LSM11: variants seen among roughly 807,000 people sequenced by gnomAD.
LSM11 encodes the protein LSM11, U7 small nuclear RNA associated, also known as U7 snRNA-associated Sm-like protein LSm11.
LSM11 carries 14 observed loss-of-function variants against 28.1 expected under a neutral mutation model. The ratio of observed to expected loss-of-function variants is 0.50; its 90% CI spans 0.33 to 0.78. The LOEUF (loss-of-function observed/expected upper bound fraction) is 0.78, where lower values mean the gene tolerates loss of function less well. LSM11 is among the 30% of genes least tolerant of loss of function. LSM11 has a pLI of 0.02. For missense variants in LSM11, 495 were observed against 510.6 expected, an observed-to-expected ratio of 0.97 and a Z score of 0.30; for synonymous variants, 207 against 214.2, an observed-to-expected ratio of 0.97 and a Z score of 0.30.
In LSM11 at chr5:157,743,771, G is replaced by C. The variant is rs1761099196; in HGVS notation, c.21G>C (p.Gly7=). ...CAAACATGGAGGAGCGGGAGCGGGG[G>C]GCGAGGTCGGCTGGCGCCGGGAGCC... MEERER[G]ARSAGAGSPA... is the part of the protein sequence containing the mutation. The change falls in exon 1 of 4, where the codon GGG becomes GGC. Residue 7 remains glycine (G), a synonymous_variant. Coordinates refer to ENST00000286307, the MANE Select transcript of LSM11 (RefSeq NM_173491.4). The C allele has an allele frequency of 5.0e-6, 7 of 1,410,082 alleles. No homozygotes were observed. In the East Asian group the frequency reaches 1.5e-4, roughly 30 times the overall value. The allele number at this position is 1,410,082 out of a possible 1,614,324, so 87.3% of individuals were successfully genotyped here.
chr5:157,754,712 A>AAT, intron 3 of LSM11, 142 bp from the exon 4 acceptor site: 3 of 631,604 alleles, frequency 4.7e-6, no homozygotes, highest in Non-Finnish European at 7.6e-6. Context: ...AAAAAAAAAA[A>AAT]AGATTTATTA....
intron 1 of LSM11, among the ~76,000 whole-genome samples, chr5:157,746,339 GC>G (rs1251448847): frequency 6.6e-6 from 1 of 152,224 alleles, no homozygotes; most frequent in African/African-American, 2.4e-5. Context: ...GCAAGAAGAA[GC>G]TTTGTTAGGT....
chr5:157,752,336 G>T (rs943101881), intron 2 of LSM11, among the ~76,000 whole-genome samples: 7 of 151,538 alleles, frequency 4.6e-5, no homozygotes, highest in Non-Finnish European at 1.5e-5. Flanking sequence ...CACCATGTTG[G>T]CCAGGCTGGT....
rs1053259359 is a variant in LSM11, at chr5:157,760,665, C to A, written c.*5401C>A. The stretch of plus-strand genomic sequence containing the variant: ...GCAATGTTCAGCTTTAGATATGTGT[C>A]GTAATGGGAGTCTGAAAACTGTAAT... On this transcript the variant is annotated 3_prime_UTR_variant, in exon 4 of 4. Transcript: ENST00000286307. 2 of 152,054 alleles carry A rather than the reference C, an allele frequency of 1.3e-5. No homozygotes were observed. The highest frequency in any genetic ancestry group is 2.9e-5 in the Non-Finnish European group (2 of 68,038). The allele number at this position is 152,054 out of a possible 1,614,324, so 9.4% of individuals were successfully genotyped here. A position where few individuals can be genotyped will look rare whatever the true frequency, so the allele number is the denominator to read the frequency against.
At chr5:157,746,007 A>T (rs1038544933) in intron 1 of LSM11, among the ~76,000 whole-genome samples, 1 of 152,226 alleles carries the variant, frequency 6.6e-6, no homozygotes, top group Non-Finnish European at 1.5e-5. Flanking sequence ...TTTGTGCACC[A>T]AACCCCAGTG....
chr5:157,744,781 C>A lies in LSM11; in HGVS notation c.448+583C>A, dbSNP rs547236874. Among the ~76,000 whole-genome samples the A allele has an allele frequency of 9.9e-5, 15 of 152,260 alleles. No individual in the cohort carries two copies. The South Asian group carries it at 1.7e-3, about 17-fold the overall frequency. On this transcript the variant is annotated intron_variant, in intron 1 of 3. Transcript: ENST00000286307. Reference sequence around the variant, plus strand: ...GAGATTTGTTCAGATAGCACAGGCGCATAATCCCATAACCCCTGTACATTG... The same window carrying A: ...GAGATTTGTTCAGATAGCACAGGCGAATAATCCCATAACCCCTGTACATTG...
At chr5:157,747,424 T>C (rs1761164779) in intron 1 of LSM11, 4 of 192,404 alleles carry the variant, frequency 2.1e-5, no homozygotes, top group Admixed American at 1.4e-4. Context: ...ACATGCAGGG[T>C]TTGGCTCCTA....
Position 157,749,588 on chromosome 5 carries a change from G to GCACA in LSM11, c.449-1786_449-1783dup, listed in dbSNP as rs200970813. 4.4e-4 allele frequency among the ~76,000 whole-genome samples: 63 copies of GCACA among 142,388 alleles called. No homozygotes were observed. The South Asian group carries it at 0.011, about 25-fold the overall frequency. 93.4% of individuals were successfully genotyped at this position (142,388 alleles called of 152,430 possible). A position where few individuals can be genotyped will look rare whatever the true frequency, so the allele number is the denominator to read the frequency against. ...CACATATACACGCGCGCGCACGCGC[G>GCACA]CACACACACACACACACACCCACAC... On this transcript the variant is annotated intron_variant, in intron 1 of 3. Transcript: ENST00000286307.
intron 1 of LSM11, among the ~76,000 whole-genome samples, chr5:157,744,730 T>C (rs1761120426): frequency 6.6e-6 from 1 of 152,012 alleles, no homozygotes; most frequent in African/African-American, 2.4e-5. Flanking sequence ...TCAGTGGGAT[T>C]TGAGGATGAT....
At chr5:157,749,222 A>C (rs1201965060) in intron 1 of LSM11, among the ~76,000 whole-genome samples, 1 of 152,148 alleles carries the variant, frequency 6.6e-6, no homozygotes, top group Non-Finnish European at 1.5e-5. Context: ...TGCCCTTTCT[A>C]TTTTTGGAGG....
chr5:157,745,303 T>A (rs1054368274), intron 1 of LSM11, among the ~76,000 whole-genome samples: 1 of 152,214 alleles, frequency 6.6e-6, no homozygotes, highest in African/African-American at 2.4e-5. Context: ...CTGTTTTGCT[T>A]CATTCCTAGA....
In LSM11 at chr5:157,755,231, C is replaced by A; in HGVS notation, c.1050C>A (p.Gly350=). The part of the protein sequence containing the change: ...TRHINQIFIR[G]ENVLLVHLAQ ...ACATAAATCAGATTTTCATTCGAGG[C>A]GAGAATGTCCTGCTGGTTCATCTTG... is the stretch of plus-strand genomic sequence containing the variant. Residue 350 remains glycine (G), a synonymous_variant, in exon 4 of 4, where the codon GGC becomes GGA. Transcript: ENST00000286307. 6.2e-7 allele frequency: 1 copy of A among 1,614,090 alleles called. No homozygotes were observed. The highest frequency in any genetic ancestry group is 1.1e-5 in the South Asian group (1 of 91,060).
chr5:157,753,977 G>T, intron 2 of LSM11, 27 bp from the exon 3 acceptor site: 4 of 1,430,332 alleles, frequency 2.8e-6, no homozygotes, highest in East Asian at 5.1e-5. Flanking sequence ...TCTGTCTAAT[G>T]TTTTTCCTTT....
intron 1 of LSM11, among the ~76,000 whole-genome samples, chr5:157,748,028 T>TGTGTGTGTGTGTGTG (rs1761172682): frequency 1.3e-5 from 2 of 148,992 alleles, no homozygotes; most frequent in African/African-American, 5.0e-5. Context: ...TGTGTGTGTG[T>TGTGTGTGTGTGTGTG]TTAGGCCAGT....
rs1006814818 is a variant in LSM11, at chr5:157,759,395, T to C, written c.*4131T>C. 2 of 152,198 alleles carry C rather than the reference T, an allele frequency of 1.3e-5. No homozygotes were observed. The highest frequency in any genetic ancestry group is 4.8e-5 in the African/African-American group (2 of 41,460). The allele number at this position is 152,198 out of a possible 1,614,324, so 9.4% of individuals were successfully genotyped here. ...TATATTTCTGCTTGCACCATTTCCA[T>C]AGCAGCTGACAAAGGCAAAATCATG... On this transcript the variant is annotated 3_prime_UTR_variant, in exon 4 of 4. Coordinates refer to ENST00000286307, the MANE Select transcript of LSM11 (RefSeq NM_173491.4).
At chr5:157,749,586 G>GCA (rs1291962623) in intron 1 of LSM11, among the ~76,000 whole-genome samples, 537 of 149,696 alleles carry the variant, frequency 3.6e-3, no homozygotes, top group African/African-American at 9.4e-3. Context: ...GCGCGCACGC[G>GCA]CGCACACACA....
intron 1 of LSM11, among the ~76,000 whole-genome samples, chr5:157,748,932 C>T (rs1761183806): frequency 6.6e-6 from 1 of 152,082 alleles, no homozygotes; most frequent in African/African-American, 2.4e-5. Flanking sequence ...TGACTCATAT[C>T]CATTTGGAGC....
Position 157,759,518 on chromosome 5 carries a change from G to A in LSM11, c.*4254G>A, listed in dbSNP as rs1761379558. ...ATTCAATGACAGCTAGCTGTCACTG[G>A]TGCTACCCCAAAGCTTTCCAATCTT... is the stretch of plus-strand genomic sequence containing the variant. On this transcript the variant is annotated 3_prime_UTR_variant, in exon 4 of 4. Transcript: ENST00000286307. 6.6e-6 allele frequency: 1 copy of A among 152,122 alleles called. No individual in the cohort carries two copies. The highest frequency in any genetic ancestry group is 2.1e-4 in the South Asian group (1 of 4,826). The allele number at this position is 152,122 out of a possible 1,614,324, so 9.4% of individuals were successfully genotyped here.
In LSM11 at chr5:157,756,534, T is replaced by C. The variant is rs1405672023; in HGVS notation, c.*1270T>C. 6.6e-6 allele frequency: 1 copy of C among 152,560 alleles called. No homozygotes were observed. Among genetic ancestry groups the C allele is most frequent in the African/African-American group, 2.4e-5 (1 of 41,444 alleles). The allele number at this position is 152,560 out of a possible 1,614,324, so 9.5% of individuals were successfully genotyped here. A position where few individuals can be genotyped will look rare whatever the true frequency, so the allele number is the denominator to read the frequency against. On this transcript the variant is annotated 3_prime_UTR_variant, in exon 4 of 4. Coordinates refer to ENST00000286307, the MANE Select transcript of LSM11 (RefSeq NM_173491.4). ...GAAATAGCCAACTAGTTAAAATGTA[T>C]GAAAAGAAAACTTTCCCCTGCTGTA...
Sources: allele counts gnomAD v4.1 joint callset (sites outside exome capture counted in the v4.1 genomes callset), GRCh38; gene constraint gnomAD v4.1.1; transcripts MANE v1.5; gene names NCBI Gene and HGNC (gene_info 2026-07-23, HGNC 2026-07-21).